TRAPPC3L: variants seen among roughly 807,000 people sequenced by gnomAD.
TRAPPC3L encodes trafficking protein particle complex subunit 3-like protein.
In TRAPPC3L, 23 loss-of-function variants were observed where a neutral mutation model predicts 23.7. That is an observed-to-expected ratio of 0.97 (90% CI 0.70 to 1.37). TRAPPC3L has a LOEUF of 1.37. TRAPPC3L is among the 40% of genes most tolerant of loss of function. TRAPPC3L has a pLI of 0.00. For missense variants in TRAPPC3L, 212 were observed against 216.8 expected (o/e 0.98, Z 0.14); for synonymous variants, 81 against 77.9 (o/e 1.04, Z -0.21).
At chr6:116,532,459 G>A (rs1052852151) in intron 3 of TRAPPC3L, among the ~76,000 whole-genome samples, 3 of 152,182 alleles carry the variant, frequency 2.0e-5, no homozygotes, top group Non-Finnish European at 4.4e-5. Context: ...GTCAACAGGT[G>A]TGGATTTACC....
At chr6:116,508,225 GCA>G (rs71786953) in intron 3 of TRAPPC3L, among the ~76,000 whole-genome samples, 3,982 of 152,260 alleles carry the variant, frequency 0.026, 153 homozygotes, top group African/African-American at 0.088. Flanking sequence ...ACAGTACCTG[GCA>G]CACAGTGGGA....
At position 116,500,618 on chromosome 6, in the gene TRAPPC3L, T is replaced by G. The variant is rs758085435; in HGVS notation, c.289A>C (p.Asn97His). The change falls in exon 4 of 5, where the codon AAT (asparagine) becomes CAT (histidine). Residue 97 changes from asparagine (N) to histidine (H), a missense_variant. Asn to His is a moderately conservative substitution (Grantham distance 68). Transcript: ENST00000368602. ...LGITPSVTCN[N>H]SSKNEFSLIL... is the part of the protein sequence containing the mutation. ...AGGGAAAATTCATTTTTGCTTGAATTGTTACAGGTCACACTTGGTGTAATT... is the reference window on the plus strand; with the variant it reads ...AGGGAAAATTCATTTTTGCTTGAATGGTTACAGGTCACACTTGGTGTAATT... The G allele has an allele frequency of 3.9e-6, 6 of 1,551,636 alleles. 1 individual carries two copies. In the South Asian group the frequency reaches 7.1e-5, roughly 18 times the overall value.
intron 1 of TRAPPC3L, among the ~76,000 whole-genome samples, chr6:116,544,915 A>G (rs533693129): frequency 6.6e-6 from 1 of 152,226 alleles, no homozygotes; most frequent in South Asian, 2.1e-4. Flanking sequence ...ATAAGAGAGT[A>G]TTAAAGAATA....
chr6:116,524,049 G>C (rs1357266099), intron 3 of TRAPPC3L: 1 of 152,158 alleles, frequency 6.6e-6, no homozygotes, highest in Non-Finnish European at 1.5e-5. Flanking sequence ...TATTAATTTT[G>C]CTATGTGTGG....
intron 3 of TRAPPC3L, among the ~76,000 whole-genome samples, chr6:116,535,249 C>A (rs918365630): frequency 3.9e-5 from 6 of 152,150 alleles, no homozygotes; most frequent in African/African-American, 1.4e-4. Context: ...AATATGGAAA[C>A]CAAAGTTTGG....
chr6:116,538,995 T>C lies in TRAPPC3L; in HGVS notation c.240+1368A>G, dbSNP rs577048673. ...CTCAAGTGATTTGCCCACACTAAGC[T>C]AATGGGATGAATTTTGGCAAAGATC... On this transcript the variant is annotated intron_variant, in intron 3 of 4. Transcript: ENST00000368602. 1.6e-4 allele frequency among the ~76,000 whole-genome samples: 24 copies of C among 152,254 alleles called. 1 individual carries two copies. In the South Asian group the frequency reaches 5.0e-3, roughly 32 times the overall value.
At chr6:116,543,824 G>A (rs867395509) in intron 1 of TRAPPC3L, 5 of 1,534,286 alleles carry the variant, frequency 3.3e-6, no homozygotes, top group South Asian at 2.4e-5. Flanking sequence ...ATGGCCCCCA[G>A]ATCTGCCAAG....
chr6:116,512,036 T>A, intron 3 of TRAPPC3L: 1 of 1,614,070 alleles, frequency 6.2e-7, no homozygotes, highest in Non-Finnish European at 8.5e-7. Flanking sequence ...TCCAGTGATG[T>A]GGCTTTCTGT....
rs1052521051 is a variant in TRAPPC3L at position 116,511,314 on chromosome 6, T to C, written c.241-10648A>G. 2.6e-5 allele frequency among the ~76,000 whole-genome samples: 4 copies of C among 151,920 alleles called. No homozygotes were observed. The East Asian group carries it at 7.7e-4, about 29-fold the overall frequency. On this transcript the variant is annotated intron_variant, in intron 3 of 4. Coordinates refer to ENST00000368602, the MANE Select transcript of TRAPPC3L (RefSeq NM_001139444.3). ...AAAATTCTAGGTTTGGAGATTTGAT[T>C]TGTCGGCTGAAACCTCTTTCTGTTA...
At chr6:116,531,674 T>C (rs1772734558) in intron 3 of TRAPPC3L, among the ~76,000 whole-genome samples, 2 of 152,168 alleles carry the variant, frequency 1.3e-5, no homozygotes, top group African/African-American at 4.8e-5. Flanking sequence ...AATTTTAGGA[T>C]AATTTTCAAG....
chr6:116,528,585 AT>A (rs1276967289), intron 3 of TRAPPC3L, among the ~76,000 whole-genome samples: 1 of 152,174 alleles, frequency 6.6e-6, no homozygotes, highest in African/African-American at 2.4e-5. Context: ...AATATTCATC[AT>A]TTTTTAAATA....
At chr6:116,537,312 G>A (rs1255267328) in intron 3 of TRAPPC3L, among the ~76,000 whole-genome samples, 1 of 152,184 alleles carries the variant, frequency 6.6e-6, no homozygotes, top group Non-Finnish European at 1.5e-5. Flanking sequence ...TATTTGGAAA[G>A]CAGATGTTGT....
intron 3 of TRAPPC3L, among the ~76,000 whole-genome samples, chr6:116,514,055 A>G (rs759675458): frequency 6.6e-6 from 1 of 152,136 alleles, no homozygotes. Flanking sequence ...TTCCAAGTCA[A>G]TGAGGAAAAC....
chr6:116,517,366 A>C (rs1772248428), intron 3 of TRAPPC3L: 1 of 152,180 alleles, frequency 6.6e-6, no homozygotes, highest in South Asian at 2.1e-4. Flanking sequence ...TCTACAATGT[A>C]CTATATCCAT....
rs560120430 is a variant in TRAPPC3L, at chr6:116,496,583, C to CT, written c.*370dup. 62 of 171,792 alleles carry CT rather than the reference C, an allele frequency of 3.6e-4. No homozygotes were observed. Among genetic ancestry groups the CT allele is most frequent in the South Asian group, 6.0e-4 (4 of 6,644 alleles). The allele number at this position is 171,792 out of a possible 1,614,324, so 10.6% of individuals were successfully genotyped here. A position where few individuals can be genotyped will look rare whatever the true frequency, so the allele number is the denominator to read the frequency against. The stretch of plus-strand genomic sequence containing the variant: ...AAACTCTATGCTATATCATTTCATT[C>CT]TTTTTTTTTCAGCAAAGAGACAAAT... On this transcript the variant is annotated 3_prime_UTR_variant, in exon 5 of 5. Coordinates refer to ENST00000368602, the MANE Select transcript of TRAPPC3L (RefSeq NM_001139444.3).
At chr6:116,512,279 G>A (rs1483161720) in intron 3 of TRAPPC3L, 4 of 1,548,882 alleles carry the variant, frequency 2.6e-6, no homozygotes, top group South Asian at 2.4e-5. Flanking sequence ...GCATGAGCTC[G>A]AAGTATTCTC....
intron 3 of TRAPPC3L, among the ~76,000 whole-genome samples, chr6:116,536,423 A>T (rs910397223): frequency 6.6e-6 from 1 of 152,220 alleles, no homozygotes; most frequent in Non-Finnish European, 1.5e-5. Flanking sequence ...TGAGGGAAAC[A>T]AGAGAGGGGA....
At chr6:116,520,383 A>C (rs1375890700) in intron 3 of TRAPPC3L, 1 of 152,134 alleles carries the variant, frequency 6.6e-6, no homozygotes, top group Non-Finnish European at 1.5e-5. Context: ...CTCTTATTTT[A>C]AATATCCCCT....
chr6:116,520,518 A>G (rs563003609), intron 3 of TRAPPC3L: 2 of 152,302 alleles, frequency 1.3e-5, no homozygotes, highest in East Asian at 1.9e-4. Context: ...GAAAGCATCT[A>G]TCTGTGTTTG....
Sources: gnomAD v4.1 joint callset for allele counts (sites outside exome capture counted in the v4.1 genomes callset) on GRCh38, gnomAD v4.1.1 for gene constraint, MANE v1.5 for transcripts, NCBI Gene and HGNC (gene_info 2026-07-23, HGNC 2026-07-21) for gene names.